INPP5A: variants seen among roughly 807,000 people sequenced by gnomAD.
INPP5A encodes 43 kDa inositol polyphosphate 5-phophatase.
Under a neutral mutation model 65.2 loss-of-function variants are expected in INPP5A, and 14 were observed. That is an observed-to-expected ratio of 0.21 (90% CI 0.14 to 0.34). The LOEUF (loss-of-function observed/expected upper bound fraction) is 0.34, where lower values mean the gene tolerates loss of function less well. Among genes scored for constraint, INPP5A ranks in the 10% least tolerant of loss-of-function variants. The pLI is 1.00. For synonymous variants in INPP5A, 207 were observed against 208.3 expected (o/e 0.99, Z 0.05); for missense variants, 431 against 545.6 (o/e 0.79, Z 2.09).
At chr10:132,593,176 G>A (rs571103098) in intron 1 of INPP5A, among the ~76,000 whole-genome samples, 21 of 152,286 alleles carry the variant, frequency 1.4e-4, no homozygotes, top group South Asian at 2.1e-4. Flanking sequence ...AGATCAGCTG[G>A]AGATGGAGCT....
Position 132,659,123 on chromosome 10 carries a change from C to T in INPP5A, c.306+8618C>T, listed in dbSNP as rs2072701320. 6.6e-6 allele frequency among the ~76,000 whole-genome samples: 1 copy of T among 152,184 alleles called. No homozygotes were observed. The highest frequency in any genetic ancestry group is 1.5e-5 in the Non-Finnish European group (1 of 68,040). ...GGTCCCCAGCTCTGCAGGTGCCACT[C>T]CCCACGCCAGTGTTCTCCAAACTTC... is the stretch of plus-strand genomic sequence containing the variant. On this transcript the variant is annotated intron_variant, in intron 4 of 15. Transcript: ENST00000368594. This position sits in a 1 kb window ranked among gnomAD's most constrained non-coding sequence, Gnocchi z 5.5.
chr10:132,759,390 C>T (rs1459531279), intron 11 of INPP5A, among the ~76,000 whole-genome samples: 2 of 152,226 alleles, frequency 1.3e-5, no homozygotes, highest in Non-Finnish European at 2.9e-5. Context: ...GCTGTGGCCA[C>T]ACTCCGTGGC....
chr10:132,540,800 C>T (rs113722230), intron 1 of INPP5A, among the ~76,000 whole-genome samples: 2 of 152,342 alleles, frequency 1.3e-5, no homozygotes, highest in Admixed American at 6.5e-5. Flanking sequence ...CCAGTCTCAC[C>T]GTGTTGGAAG....
At chr10:132,592,592 A>G (rs777514070) in intron 1 of INPP5A, among the ~76,000 whole-genome samples, 32 of 152,160 alleles carry the variant, frequency 2.1e-4, no homozygotes, top group Non-Finnish European at 4.0e-4. Context: ...TTTTTAGTAG[A>G]GATGGGGTTT....
intron 1 of INPP5A, among the ~76,000 whole-genome samples, chr10:132,600,249 T>C (rs1263143213): frequency 6.6e-6 from 1 of 152,234 alleles, no homozygotes; most frequent in African/African-American, 2.4e-5. Context: ...AGTCACTTCT[T>C]GAATGTTTTG....
At chr10:132,715,063 C>T (rs1320377423) in intron 8 of INPP5A, among the ~76,000 whole-genome samples, 4 of 151,868 alleles carry the variant, frequency 2.6e-5, no homozygotes, top group East Asian at 2.0e-4. Flanking sequence ...GCACTCAGCC[C>T]GTGTTGGGGG....
chr10:132,742,484 C>CGTTG (rs550943089), intron 9 of INPP5A, among the ~76,000 whole-genome samples: 120 of 152,258 alleles, frequency 7.9e-4, no homozygotes, highest in South Asian at 1.0e-3. Context: ...ACTCGCTGGC[C>CGTTG]GTTGGTCTCA....
intron 11 of INPP5A, among the ~76,000 whole-genome samples, chr10:132,757,169 C>T (rs555600747): frequency 5.3e-5 from 8 of 152,196 alleles, no homozygotes; most frequent in Non-Finnish European, 8.8e-5. Flanking sequence ...TTACTCTTAG[C>T]GTCTCAGCGT....
At chr10:132,640,572 TC>T (rs1161728774) in intron 2 of INPP5A, among the ~76,000 whole-genome samples, 1 of 152,254 alleles carries the variant, frequency 6.6e-6, no homozygotes, top group Non-Finnish European at 1.5e-5. Context: ...TTCTCCAGGC[TC>T]TGACTCCCGG....
chr10:132,669,069 T>C (rs1358901814), intron 4 of INPP5A, among the ~76,000 whole-genome samples: 2 of 152,034 alleles, frequency 1.3e-5, no homozygotes, highest in African/African-American at 4.8e-5. Context: ...TCTGCCAACA[T>C]GGTGAAACCC....
At chr10:132,648,991 T>TTC (rs2133395687) in intron 3 of INPP5A, among the ~76,000 whole-genome samples, 1 of 152,362 alleles carries the variant, frequency 6.6e-6, no homozygotes, top group South Asian at 2.1e-4. Flanking sequence ...TTCTCTTTTG[T>TTC]TCTTAGGCTC....
chr10:132,670,956 T>G (rs535367461), intron 4 of INPP5A, among the ~76,000 whole-genome samples: 163 of 152,148 alleles, frequency 1.1e-3, no homozygotes, highest in African/African-American at 3.7e-3. Context: ...GGCGTCACTT[T>G]TCCTTGGTCT....
intron 4 of INPP5A, among the ~76,000 whole-genome samples, chr10:132,664,673 G>A (rs1310239554): frequency 6.6e-6 from 1 of 152,246 alleles, no homozygotes; most frequent in East Asian, 1.9e-4. Flanking sequence ...CCCATCAGCA[G>A]CAGCCCAGAG....
intron 9 of INPP5A, among the ~76,000 whole-genome samples, chr10:132,745,653 G>A (rs1564995911): frequency 6.7e-6 from 1 of 149,094 alleles, no homozygotes; most frequent in South Asian, 2.2e-4. Flanking sequence ...GTGGCCTCGG[G>A]TGTGGTGGCC....
intron 1 of INPP5A, among the ~76,000 whole-genome samples, chr10:132,566,992 T>C (rs780629151): frequency 2.2e-4 from 33 of 152,240 alleles, no homozygotes; most frequent in South Asian, 6.2e-4. Context: ...AATCTTGAGC[T>C]CTGATCTCTC....
chr10:132,554,280 C>T (rs951758571), intron 1 of INPP5A, among the ~76,000 whole-genome samples: 3 of 152,152 alleles, frequency 2.0e-5, no homozygotes, highest in Admixed American at 6.5e-5. Context: ...CTGTGGTCAC[C>T]GGCTTCCCTG....
chr10:132,548,591 T>G (rs2071008323), intron 1 of INPP5A, among the ~76,000 whole-genome samples: 1 of 152,258 alleles, frequency 6.6e-6, no homozygotes, highest in East Asian at 1.9e-4. Context: ...CACCCCAGTT[T>G]TGAGACACTT....
At chr10:132,556,355 G>A (rs562079852) in intron 1 of INPP5A, among the ~76,000 whole-genome samples, 11 of 152,248 alleles carry the variant, frequency 7.2e-5, no homozygotes, top group Admixed American at 3.9e-4. Flanking sequence ...GGGCTGATGC[G>A]GCGAGCCCTC....
chr10:132,685,277 C>T (rs2073100745), intron 4 of INPP5A, among the ~76,000 whole-genome samples: 1 of 152,254 alleles, frequency 6.6e-6, no homozygotes, highest in Admixed American at 6.5e-5. Flanking sequence ...CAGTGGCAGG[C>T]TCCACAGAGA....
Sources: gnomAD v4.1 joint callset for allele counts (sites outside exome capture counted in the v4.1 genomes callset) on GRCh38, gnomAD v4.1.1 for gene constraint, Gnocchi (gnomAD v3.1) non-coding constraint, MANE v1.5 for transcripts, NCBI Gene and HGNC (gene_info 2026-07-23, HGNC 2026-07-21) for gene names.